Variants in TNS1 observed in about 807,000 individuals in gnomAD.
TNS1 encodes tensin 1, also known as tensin-1.
A neutral mutation model predicts 168.6 loss-of-function variants in TNS1; 62 were observed. The observed-to-expected ratio is 0.37, with a 90% CI of 0.30 to 0.45. TNS1 has a LOEUF of 0.45. Among genes scored for constraint, TNS1 ranks in the 20% least tolerant of loss-of-function variants. TNS1 has a pLI of 1.00. For synonymous variants in TNS1, 934 were observed against 933.2 expected (o/e 1.00, Z -0.02); for missense variants, 2,240 against 2,339.4 (o/e 0.96, Z 0.88).
At chr2:217,868,128 A>G (rs17790748) in intron 18 of TNS1, among the ~76,000 whole-genome samples, 45,802 of 152,174 alleles carry the variant, frequency 0.3, 7,343 homozygotes, top group East Asian at 0.37. Context: ...TGAAGAAGCG[A>G]ATGTGACTGA....
intron 1 of TNS1, among the ~76,000 whole-genome samples, chr2:218,031,437 G>A (rs1958898810): frequency 6.7e-6 from 1 of 150,100 alleles, no homozygotes; most frequent in East Asian, 2.0e-4. Flanking sequence ...GTGTGTGTGT[G>A]CATGTGTGTA....
intron 18 of TNS1, among the ~76,000 whole-genome samples, chr2:217,861,804 G>A (rs1373417596): frequency 2.6e-5 from 4 of 152,318 alleles, no homozygotes; most frequent in South Asian, 2.1e-4. Flanking sequence ...GACAGAACAC[G>A]AGTAGTGCAG....
At chr2:217,929,416 A>G (rs972984243) in intron 3 of TNS1, among the ~76,000 whole-genome samples, 1 of 152,206 alleles carries the variant, frequency 6.6e-6, no homozygotes, top group Non-Finnish European at 1.5e-5. Flanking sequence ...AGCTGCACTG[A>G]GTACCTATGG....
intron 3 of TNS1, among the ~76,000 whole-genome samples, chr2:217,938,950 C>A (rs2125930684): frequency 6.6e-6 from 1 of 152,130 alleles, no homozygotes; most frequent in East Asian, 1.9e-4. Flanking sequence ...GAAAATGACA[C>A]CAGCATCTTC....
At chr2:218,020,871 G>A (rs1161738399) in intron 1 of TNS1, among the ~76,000 whole-genome samples, 1 of 152,218 alleles carries the variant, frequency 6.6e-6, no homozygotes, top group South Asian at 2.1e-4. Context: ...GGAGCTTGCA[G>A]GGTAAGGGAG....
At chr2:217,945,261 A>G (rs1345138323) in intron 3 of TNS1, among the ~76,000 whole-genome samples, 9 of 152,186 alleles carry the variant, frequency 5.9e-5, no homozygotes, top group Non-Finnish European at 1.3e-4. Flanking sequence ...GTCTTAACAC[A>G]CACTAATTTT....
chr2:217,936,826 TGAG>T (rs1442429373), intron 3 of TNS1: 1 of 424,270 alleles, frequency 2.4e-6, no homozygotes, highest in African/African-American at 2.0e-5. Context: ...GGCACTGGGC[TGAG>T]AACTTTACAA....
intron 22 of TNS1, among the ~76,000 whole-genome samples, chr2:217,824,783 C>T (rs2125224619): frequency 6.6e-6 from 1 of 152,280 alleles, no homozygotes; most frequent in East Asian, 1.9e-4. Flanking sequence ...TCTTCCCAGA[C>T]CCTTCCAGGC....
intron 18 of TNS1, chr2:217,850,568 C>A: frequency 1.0e-6 from 1 of 982,552 alleles, no homozygotes; most frequent in Non-Finnish European, 1.2e-6. Context: ...GCAGCCCAGC[C>A]ACCAGCCCCG....
chr2:217,883,866 G>A (rs372757721), intron 16 of TNS1, among the ~76,000 whole-genome samples: 10 of 152,096 alleles, frequency 6.6e-5, no homozygotes, highest in African/African-American at 1.2e-4. Flanking sequence ...GTCTTTCTCC[G>A]CCTGAGCCCA....
intron 5 of TNS1, among the ~76,000 whole-genome samples, 168 bp downstream of exon 5, chr2:217,907,042 A>G (rs1430694692): frequency 2.6e-5 from 4 of 151,074 alleles, no homozygotes; most frequent in African/African-American, 9.7e-5. Flanking sequence ...CCCTTCTCCC[A>G]GAGTCAGCAG....
Position 217,817,713 on chromosome 2 carries a change from T to C in TNS1, c.4619A>G (p.Asp1540Gly). The stretch of plus-strand genomic sequence containing the variant: ...ACCTGGCATGGAGTACTTGGAGAAG[T>C]CGGGCAGAGTGTGGGAGAAGGAGAC... Reference protein sequence around the residue: ...STVSFSHTLPDFSKYSMPDNS... With the variant: ...STVSFSHTLPGFSKYSMPDNS... Residue 1540 changes from aspartate to glycine, a missense_variant, in exon 24 of 33, where the codon GAC becomes GGC. Around this residue, in one of 2 missense-constraint regions of TNS1, gnomAD observed 2,131 missense variants for 2,171.2 expected, o/e 0.98. Coordinates refer to ENST00000682258, the MANE Select transcript of TNS1 (RefSeq NM_001387777.1). The C allele has an allele frequency of 6.2e-7, 1 of 1,600,594 alleles. No individual in the cohort carries two copies. Among genetic ancestry groups the C allele is most frequent in the South Asian group, 1.1e-5 (1 of 90,176 alleles).
chr2:217,859,702 C>T (rs1029927658), intron 18 of TNS1: 1 of 1,535,484 alleles, frequency 6.5e-7, no homozygotes, highest in Non-Finnish European at 8.7e-7. Context: ...TTGTTCCCAT[C>T]TGTGGAAATC....
intron 3 of TNS1, among the ~76,000 whole-genome samples, chr2:217,971,032 C>T (rs1957763387): frequency 6.6e-6 from 1 of 152,118 alleles, no homozygotes; most frequent in Non-Finnish European, 1.5e-5. Context: ...CAATGGTTCT[C>T]AAATGTGGCT....
intron 18 of TNS1, among the ~76,000 whole-genome samples, chr2:217,878,685 G>A (rs929897591): frequency 2.6e-5 from 4 of 152,094 alleles, no homozygotes; most frequent in Admixed American, 1.3e-4. Context: ...TCCTCAGGCC[G>A]TGCTGCCCAC....
At chr2:217,905,783 CTT>C (rs1364030230) in intron 6 of TNS1, among the ~76,000 whole-genome samples, 1 of 152,210 alleles carries the variant, frequency 6.6e-6, no homozygotes, top group Non-Finnish European at 1.5e-5. Context: ...CTGTGGGATC[CTT>C]CCATTTCAGG....
intron 24 of TNS1, among the ~76,000 whole-genome samples, chr2:217,817,442 T>C (rs1942066913): frequency 6.6e-6 from 1 of 152,174 alleles, no homozygotes; most frequent in South Asian, 2.1e-4. Flanking sequence ...AGTAATACTA[T>C]TCATTATGAT....
intron 1 of TNS1, among the ~76,000 whole-genome samples, chr2:218,030,128 C>T (rs1170544211): frequency 6.6e-6 from 1 of 152,168 alleles, no homozygotes; most frequent in Non-Finnish European, 1.5e-5. Flanking sequence ...CTTGCTTTGA[C>T]TCTCTCCCTC....
chr2:217,882,436 A>AGG (rs767011398), intron 16 of TNS1, 25 bp from the exon 17 acceptor site: 50 of 1,552,684 alleles, frequency 3.2e-5, no homozygotes, highest in Non-Finnish European at 3.9e-5. Flanking sequence ...GGAAAAATAA[A>AGG]AATAGGCAAA....
Sources: allele counts gnomAD v4.1 joint callset (sites outside exome capture counted in the v4.1 genomes callset), GRCh38; gene constraint gnomAD v4.1.1; regional missense constraint gnomAD v4.1.1; transcripts MANE v1.5; gene names NCBI Gene and HGNC (gene_info 2026-07-23, HGNC 2026-07-21).